The following NRG3 variants were observed in gnomAD, a reference collection of about 807,000 sequenced individuals.
The protein encoded by NRG3 is pro-neuregulin-3, membrane-bound isoform.
NRG3 carries 31 observed loss-of-function variants against 66.9 expected under a neutral mutation model. The observed-to-expected ratio is 0.46, with a 90% CI of 0.35 to 0.63. The LOEUF is 0.63. Among genes scored for constraint, NRG3 ranks in the 20% least tolerant of loss-of-function variants. The probability of loss-of-function intolerance (pLI) is 0.00; values close to 1 mark genes in which losing one functional copy is unlikely to be tolerated. For missense variants in NRG3, 910 were observed against 878.9 expected, an observed-to-expected ratio of 1.04 and a Z score of -0.45; for synonymous variants, 393 against 359.4, an observed-to-expected ratio of 1.09 and a Z score of -1.06.
At chr10:81,984,808 A>C (rs2060462178) in intron 1 of NRG3, among the ~76,000 whole-genome samples, 1 of 152,248 alleles carries the variant, frequency 6.6e-6, no homozygotes, top group South Asian at 2.1e-4. Context: ...TACATATACA[A>C]AAAGACTCAA....
intron 1 of NRG3, chr10:82,230,178 A>G (rs2076389306): frequency 1.3e-5 from 2 of 152,238 alleles, no homozygotes; most frequent in Admixed American, 6.5e-5. Flanking sequence ...AAATTATGCA[A>G]AATGATCACC....
At chr10:82,053,375 C>T (rs1270094587) in intron 1 of NRG3, among the ~76,000 whole-genome samples, 1 of 152,054 alleles carries the variant, frequency 6.6e-6, no homozygotes, top group East Asian at 1.9e-4. Context: ...TTCAGAGATC[C>T]GGGCTGAGGA....
At chr10:82,745,577 CAG>C (rs1199518267) in intron 3 of NRG3, among the ~76,000 whole-genome samples, 4 of 152,086 alleles carry the variant, frequency 2.6e-5, no homozygotes, top group African/African-American at 4.8e-5. Flanking sequence ...GAAGGAGAAA[CAG>C]AGAATTATCT....
chr10:82,375,353 C>T (rs2085150160), intron 2 of NRG3, among the ~76,000 whole-genome samples: 1 of 152,004 alleles, frequency 6.6e-6, no homozygotes, highest in Non-Finnish European at 1.5e-5. Context: ...CTGGCTAACA[C>T]GGTAAAACCC....
intron 1 of NRG3, among the ~76,000 whole-genome samples, chr10:82,034,864 C>T (rs1257786833): frequency 2.6e-5 from 4 of 152,044 alleles, no homozygotes; most frequent in Admixed American, 6.6e-5. Context: ...GCACCTCCTA[C>T]GGTCTGGCAG....
chr10:81,959,754 C>A (rs927804078), intron 1 of NRG3, among the ~76,000 whole-genome samples: 1 of 151,922 alleles, frequency 6.6e-6, no homozygotes, highest in African/African-American at 2.4e-5. Context: ...CTTCCCAGCC[C>A]AATACTATGA....
intron 1 of NRG3, among the ~76,000 whole-genome samples, chr10:82,102,147 T>TATGTGTGTATTC (rs1564564751): frequency 7.1e-5 from 6 of 84,112 alleles, no homozygotes; most frequent in South Asian, 3.7e-4. Flanking sequence ...TATATATATA[T>TATGTGTGTATTC]ATATATATAT....
At chr10:82,787,531 A>G (rs1445913610) in intron 3 of NRG3, among the ~76,000 whole-genome samples, 1 of 152,164 alleles carries the variant, frequency 6.6e-6, no homozygotes, top group African/African-American at 2.4e-5. Flanking sequence ...AGGCAGTAGA[A>G]AGGTATTTCA....
intron 2 of NRG3, among the ~76,000 whole-genome samples, chr10:82,424,589 A>G (rs2089297511): frequency 6.6e-6 from 1 of 152,018 alleles, no homozygotes; most frequent in African/African-American, 2.4e-5. Flanking sequence ...TTTGTGAATT[A>G]TCTTTTCATT....
chr10:82,898,251 G>T (rs1843852299), intron 4 of NRG3, among the ~76,000 whole-genome samples: 1 of 152,128 alleles, frequency 6.6e-6, no homozygotes, highest in Non-Finnish European at 1.5e-5. Flanking sequence ...TCCTTTATTG[G>T]TCTCTCCCTT....
At chr10:82,353,642 G>A (rs900651440) in intron 1 of NRG3, among the ~76,000 whole-genome samples, 1 of 152,174 alleles carries the variant, frequency 6.6e-6, no homozygotes, top group African/African-American at 2.4e-5. Context: ...TGCCAGATGA[G>A]TGATCCAGAT....
intron 2 of NRG3, among the ~76,000 whole-genome samples, chr10:82,695,816 G>A (rs2055333940): frequency 6.6e-6 from 1 of 151,924 alleles, no homozygotes; most frequent in South Asian, 2.1e-4. Context: ...ATTTTATCTA[G>A]GGAATGACAA....
At chr10:82,175,719 C>G (rs930068420) in intron 1 of NRG3, among the ~76,000 whole-genome samples, 7 of 152,166 alleles carry the variant, frequency 4.6e-5, no homozygotes. Context: ...AGAATAGATC[C>G]TATATCTTAT....
At chr10:82,550,191 G>T (rs2044210593) in intron 2 of NRG3, among the ~76,000 whole-genome samples, 1 of 152,076 alleles carries the variant, frequency 6.6e-6, no homozygotes, top group Non-Finnish European at 1.5e-5. Context: ...TTTGGTGAAA[G>T]GCTGGAGGGA....
intron 2 of NRG3, among the ~76,000 whole-genome samples, chr10:82,479,388 G>C (rs761253331): frequency 2.4e-4 from 37 of 152,070 alleles, no homozygotes; most frequent in Middle Eastern, 3.4e-3. Flanking sequence ...ATGCACGCGT[G>C]TGTAGTCTTG....
At chr10:82,870,107 A>G (rs1841190543) in intron 4 of NRG3, among the ~76,000 whole-genome samples, 1 of 148,078 alleles carries the variant, frequency 6.8e-6, no homozygotes, top group Non-Finnish European at 1.5e-5. Flanking sequence ...TGACCTCGTG[A>G]TCTGCCCGCC....
chr10:82,963,999 A>G (rs1251244045), intron 6 of NRG3, among the ~76,000 whole-genome samples: 1 of 152,228 alleles, frequency 6.6e-6, no homozygotes, highest in African/African-American at 2.4e-5. Flanking sequence ...ATTTTGTTGT[A>G]GCATTAATTA....
At chr10:82,551,488 C>A (rs185495850) in intron 2 of NRG3, among the ~76,000 whole-genome samples, 65 of 152,032 alleles carry the variant, frequency 4.3e-4, no homozygotes, top group Non-Finnish European at 6.5e-4. Flanking sequence ...GTAATATGAT[C>A]TTTGCATTGG....
rs758391265 is a variant in NRG3, at chr10:82,358,771, C to T, written c.856C>T (p.His286Tyr). Residue 286 changes from histidine to tyrosine, a missense_variant, in exon 2 of 9, where the codon CAC becomes TAC. By Grantham distance (83) the His-to-Tyr change is moderately conservative. Transcript: ENST00000372141. ...TTTYSTERSE[H>Y]FKPCRDKDLA... The stretch of plus-strand genomic sequence containing the variant: ...GACATATTCCACAGAGCGATCCGAG[C>T]ACTTCAAACCCTGCCGAGACAAGGA... 6.2e-7 allele frequency: 1 copy of T among 1,614,140 alleles called. No homozygotes were observed. Among genetic ancestry groups the T allele is most frequent in the Non-Finnish European group, 8.5e-7 (1 of 1,180,016 alleles).
Sources: allele counts gnomAD v4.1 joint callset (sites outside exome capture counted in the v4.1 genomes callset), GRCh38; gene constraint gnomAD v4.1.1; transcripts MANE v1.5; gene names NCBI Gene and HGNC (gene_info 2026-07-23, HGNC 2026-07-21).